Variants in BMPR1B observed in about 807,000 individuals in gnomAD.
The protein encoded by BMPR1B is bone morphogenetic protein receptor type-1B.
Under a neutral mutation model 59.1 loss-of-function variants are expected in BMPR1B, and 12 were observed. The observed-to-expected ratio is 0.20, with a 90% confidence interval of 0.13 to 0.33. The LOEUF (loss-of-function observed/expected upper bound fraction) is 0.33, where lower values mean the gene tolerates loss of function less well. Ranked by LOEUF, BMPR1B falls within the 10% of genes least tolerant of loss-of-function variation. The pLI, the probability that BMPR1B is intolerant of heterozygous loss-of-function variation, is 1.00. For missense variants in BMPR1B, 550 were observed against 610.9 expected (o/e 0.90, Z 1.05); for synonymous variants, 237 against 207.3 (o/e 1.14, Z -1.23).
intron 2 of BMPR1B, among the ~76,000 whole-genome samples, chr4:94,877,196 T>C (rs1022596855): frequency 6.6e-6 from 1 of 152,138 alleles, no homozygotes; most frequent in Non-Finnish European, 1.5e-5. Flanking sequence ...TGGAGAGAGA[T>C]GGTTGGGGAG....
At chr4:94,910,554 A>G (rs557799059) in intron 2 of BMPR1B, among the ~76,000 whole-genome samples, 10 of 152,188 alleles carry the variant, frequency 6.6e-5, no homozygotes, top group African/African-American at 2.2e-4. Context: ...TAATTTGTCA[A>G]TGTGTGCTTT....
intron 2 of BMPR1B, among the ~76,000 whole-genome samples, chr4:94,967,602 C>T (rs1298466450): frequency 6.6e-6 from 1 of 152,120 alleles, no homozygotes; most frequent in Non-Finnish European, 1.5e-5. Context: ...CCTGCCTCAG[C>T]CTCCTGAGTA....
chr4:94,935,001 T>G (rs1419094025), intron 2 of BMPR1B, among the ~76,000 whole-genome samples: 5 of 152,060 alleles, frequency 3.3e-5, no homozygotes, highest in Non-Finnish European at 4.4e-5. Context: ...ATAACTACAC[T>G]AAGTCATAGA....
intron 3 of BMPR1B, among the ~76,000 whole-genome samples, chr4:95,028,109 G>A (rs1724552754): frequency 6.6e-6 from 1 of 152,178 alleles, no homozygotes; most frequent in Admixed American, 6.5e-5. Flanking sequence ...ATTTCACTCT[G>A]AGGGCTCATG....
At chr4:94,772,468 A>G (rs970461267) in intron 1 of BMPR1B, among the ~76,000 whole-genome samples, 4 of 152,204 alleles carry the variant, frequency 2.6e-5, no homozygotes, top group African/African-American at 4.8e-5. Context: ...AAATGATGTT[A>G]AAAGTAAAAT....
At chr4:94,828,172 T>C (rs1560503608) in intron 1 of BMPR1B, among the ~76,000 whole-genome samples, 1 of 152,240 alleles carries the variant, frequency 6.6e-6, no homozygotes, top group African/African-American at 2.4e-5. Context: ...AAATTATACC[T>C]AGTTTCTAAT....
intron 2 of BMPR1B, among the ~76,000 whole-genome samples, chr4:94,949,006 G>A (rs1337586936): frequency 5.3e-5 from 8 of 152,232 alleles, no homozygotes; most frequent in African/African-American, 9.6e-5. Flanking sequence ...TAAGTTCTGG[G>A]ATACATGTGC....
chr4:95,066,770 G>A (rs913465375), intron 3 of BMPR1B, among the ~76,000 whole-genome samples: 1 of 152,148 alleles, frequency 6.6e-6, no homozygotes, highest in African/African-American at 2.4e-5. Flanking sequence ...ACCTTAGGGG[G>A]TTTTTGAGCC....
chr4:94,890,233 T>C (rs1262110590), intron 2 of BMPR1B, among the ~76,000 whole-genome samples: 1 of 152,072 alleles, frequency 6.6e-6, no homozygotes, highest in Non-Finnish European at 1.5e-5. Context: ...CAAAAAGCAT[T>C]CTCTTTCTGA....
chr4:94,850,173 T>C (rs1725513237), intron 1 of BMPR1B, among the ~76,000 whole-genome samples: 2 of 152,100 alleles, frequency 1.3e-5, no homozygotes, highest in African/African-American at 4.8e-5. Context: ...TTTTTAATCC[T>C]TTTCCTCATG....
In BMPR1B at chr4:95,123,818, G is replaced by A. The variant is rs1422671894; in HGVS notation, c.358G>A (p.Asp120Asn). The change falls in exon 7 of 13, where the codon GAT becomes AAT. Residue 120 changes from aspartate (D) to asparagine (N), a missense_variant. Physicochemically the swap from Asp to Asn is conservative, Grantham distance 23. This residue lies in a region of BMPR1B where 20 missense variants were observed against 39.9 expected (regional missense o/e 0.50). Transcript: ENST00000515059. ...LPPLKNRDFV[D>N]GPIHHRALLI... Reference sequence around the variant, plus strand: ...TTTCTTTTTAATTTCAGATTTTGTTGATGGACCTATACACCACAGGGCTTT... The same window carrying A: ...TTTCTTTTTAATTTCAGATTTTGTTAATGGACCTATACACCACAGGGCTTT... The A allele has an allele frequency of 1.2e-6, 2 of 1,606,790 alleles. No homozygotes were observed. Among genetic ancestry groups the A allele is most frequent in the Admixed American group, 3.3e-5 (2 of 59,862 alleles).
chr4:95,152,758 G>C lies in BMPR1B; in HGVS notation c.1368G>C (p.Arg456=), dbSNP rs778890672. Residue 456 remains arginine, a synonymous_variant, in exon 12 of 13, where the codon CGG becomes CGC. Transcript: ENST00000515059. ...IKKLRPSFPN[R]WSSDECLRQM... ...AGTTACGCCCCTCATTCCCAAACCG[G>C]TGGAGCAGTGATGAGGTAAGGCTTG... 6.2e-7 allele frequency: 1 copy of C among 1,611,976 alleles called. No individual in the cohort carries two copies. The highest frequency in any genetic ancestry group is 8.5e-7 in the Non-Finnish European group (1 of 1,179,166).
At chr4:94,975,512 G>A (rs377686482) in intron 2 of BMPR1B, among the ~76,000 whole-genome samples, 62 of 151,042 alleles carry the variant, frequency 4.1e-4, no homozygotes, top group Non-Finnish European at 3.8e-4. Flanking sequence ...ACAGGCATGC[G>A]CCACCATGCC....
At chr4:95,008,001 A>T (rs1443158301) in intron 3 of BMPR1B, among the ~76,000 whole-genome samples, 1 of 152,158 alleles carries the variant, frequency 6.6e-6, no homozygotes, top group Non-Finnish European at 1.5e-5. Context: ...TAGTGGCAGA[A>T]CACCTGTATT....
chr4:94,850,476 T>C (rs1352303239), intron 1 of BMPR1B, among the ~76,000 whole-genome samples: 1 of 149,866 alleles, frequency 6.7e-6, no homozygotes, highest in African/African-American at 2.5e-5. Context: ...AGCTGAGATA[T>C]GGTGTGAAAA....
chr4:95,047,906 G>A (rs1420821725), intron 3 of BMPR1B, among the ~76,000 whole-genome samples: 2 of 152,120 alleles, frequency 1.3e-5, no homozygotes, highest in Non-Finnish European at 2.9e-5. Flanking sequence ...CCCTGGTAGT[G>A]AGCATAGTAC....
chr4:95,077,767 T>G (rs1728822015), intron 3 of BMPR1B, among the ~76,000 whole-genome samples: 1 of 152,206 alleles, frequency 6.6e-6, no homozygotes, highest in Admixed American at 6.5e-5. Flanking sequence ...CATGAAGATG[T>G]TATAGAATGT....
intron 2 of BMPR1B, among the ~76,000 whole-genome samples, chr4:94,906,353 G>A (rs569364015): frequency 9.9e-5 from 15 of 152,040 alleles, no homozygotes; most frequent in African/African-American, 3.6e-4. Context: ...TGTCAAAAGC[G>A]CAGTCTGAAT....
At chr4:94,964,626 G>A (rs976151527) in intron 2 of BMPR1B, among the ~76,000 whole-genome samples, 5 of 152,120 alleles carry the variant, frequency 3.3e-5, no homozygotes, top group African/African-American at 7.2e-5. Context: ...GGATTAAAGC[G>A]GAGATGCCAT....
Sources: allele counts gnomAD v4.1 joint callset (sites outside exome capture counted in the v4.1 genomes callset), GRCh38; gene constraint gnomAD v4.1.1; regional missense constraint gnomAD v4.1.1; transcripts MANE v1.5; gene names NCBI Gene and HGNC (gene_info 2026-07-23, HGNC 2026-07-21).